The following FRMD4A variants were observed in gnomAD, a reference collection of about 807,000 sequenced individuals.
FRMD4A encodes FERM domain-containing protein 4A.
In FRMD4A, 29 loss-of-function variants were observed where a neutral mutation model predicts 129.1. That is an observed-to-expected ratio of 0.22 (90% CI 0.17 to 0.31). The LOEUF (loss-of-function observed/expected upper bound fraction) is 0.31, where lower values mean the gene tolerates loss of function less well. Ranked by LOEUF, FRMD4A falls within the 10% of genes least tolerant of loss-of-function variation. The pLI is 1.00. For missense variants in FRMD4A, 1,272 were observed against 1,375.8 expected, an observed-to-expected ratio of 0.92 and a Z score of 1.19; for synonymous variants, 634 against 571.6, an observed-to-expected ratio of 1.11 and a Z score of -1.56.
At chr10:13,856,051 T>G (rs2131028547) in intron 3 of FRMD4A, among the ~76,000 whole-genome samples, 1 of 151,064 alleles carries the variant, frequency 6.6e-6, no homozygotes, top group East Asian at 1.9e-4. Context: ...TCTATCTATC[T>G]ATCTATCTAT....
chr10:13,860,529 A>G (rs2094280206), intron 2 of FRMD4A, among the ~76,000 whole-genome samples: 1 of 152,106 alleles, frequency 6.6e-6, no homozygotes, highest in Admixed American at 6.5e-5. Context: ...CTCAATGCCT[A>G]TTTTATATGA....
chr10:14,143,615 T>C (rs1218176805), intron 2 of FRMD4A, among the ~76,000 whole-genome samples: 1 of 152,162 alleles, frequency 6.6e-6, no homozygotes, highest in Non-Finnish European at 1.5e-5. Flanking sequence ...TTTGTTGTTG[T>C]TGTTGTTGTT....
chr10:14,036,442 C>T lies in FRMD4A; in HGVS notation c.46-177530G>A, dbSNP rs76701221. Among the ~76,000 whole-genome samples, 153 of 152,252 alleles carry T rather than the reference C, an allele frequency of 1.0e-3. 3 individuals are homozygous for T. In the East Asian group the frequency reaches 0.028, roughly 28 times the overall value. On this transcript the variant is annotated intron_variant, in intron 2 of 24. Transcript: ENST00000357447. Reference sequence around the variant, plus strand: ...AAGATAAACACCCCGCCTTCCTGTTCGGAGTCTGCAGAAAAGGGACAAAGC... The same window carrying T: ...AAGATAAACACCCCGCCTTCCTGTTTGGAGTCTGCAGAAAAGGGACAAAGC...
In FRMD4A at chr10:14,097,146, AAAAAAAAAAAAAAAAAAAAAAG is replaced by A. The variant is rs1253849253; in HGVS notation, c.45+232890_45+232911del. On this transcript the variant is annotated intron_variant, in intron 2 of 24. Coordinates refer to ENST00000357447, the MANE Select transcript of FRMD4A (RefSeq NM_018027.5). ...GACACAGTGAGACTCCATCTCAAAA[AAAAAAAAAAAAAAAAAAAAAAG>A]AAAAGAAAAGAAAAGGTGTCATTTG... 6 of 120,850 alleles carry A rather than the reference AAAAAAAAAAAAAAAAAAAAAAG, an allele frequency of 5.0e-5. No homozygotes were observed. The Admixed American group carries it at 5.1e-4, about 10-fold the overall frequency. The allele number at this position is 120,850 out of a possible 1,614,324, so 7.5% of individuals were successfully genotyped here.
At chr10:13,984,418 C>T (rs1000934259) in intron 2 of FRMD4A, among the ~76,000 whole-genome samples, 3 of 152,168 alleles carry the variant, frequency 2.0e-5, no homozygotes, top group Non-Finnish European at 1.5e-5. Flanking sequence ...ACAATTTTAA[C>T]CATTTTTAAA....
intron 12 of FRMD4A, among the ~76,000 whole-genome samples, chr10:13,724,642 T>C (rs898246396): frequency 6.6e-6 from 1 of 152,226 alleles, no homozygotes; most frequent in Non-Finnish European, 1.5e-5. Context: ...AATGGGAATC[T>C]GCATCTGTAG....
intron 2 of FRMD4A, among the ~76,000 whole-genome samples, chr10:14,029,298 G>C (rs749016061): frequency 3.3e-5 from 5 of 152,050 alleles, no homozygotes; most frequent in Non-Finnish European, 7.4e-5. Flanking sequence ...AAGGCATGAA[G>C]CTGGTCTCTC....
intron 2 of FRMD4A, among the ~76,000 whole-genome samples, chr10:14,214,996 C>T (rs1589177402): frequency 6.6e-6 from 1 of 152,102 alleles, no homozygotes; most frequent in African/African-American, 2.4e-5. Flanking sequence ...ATTATTGAGG[C>T]TGAATTAGAG....
chr10:13,775,780 A>C (rs563290497), intron 6 of FRMD4A, among the ~76,000 whole-genome samples: 22 of 152,302 alleles, frequency 1.4e-4, no homozygotes, highest in African/African-American at 5.3e-4. Context: ...CTGCCACAGC[A>C]ACCAAAATCA....
At chr10:14,112,682 C>T (rs1462311415) in intron 2 of FRMD4A, among the ~76,000 whole-genome samples, 2 of 152,284 alleles carry the variant, frequency 1.3e-5, no homozygotes, top group South Asian at 2.1e-4. Flanking sequence ...TCTGCCACCA[C>T]ATCTGGCTAA....
At chr10:13,910,833 A>G (rs1328906551) in intron 2 of FRMD4A, among the ~76,000 whole-genome samples, 7 of 143,416 alleles carry the variant, frequency 4.9e-5, no homozygotes, top group African/African-American at 1.8e-4. Context: ...TGCATGTACC[A>G]GAAACCACGG....
At chr10:13,826,606 G>A (rs537349388) in intron 3 of FRMD4A, among the ~76,000 whole-genome samples, 1 of 152,256 alleles carries the variant, frequency 6.6e-6, no homozygotes, top group South Asian at 2.1e-4. Context: ...GCTCTCCCCT[G>A]TGAATCCTCT....
chr10:13,744,407 A>G (rs1052213900), intron 9 of FRMD4A: 3 of 152,218 alleles, frequency 2.0e-5, no homozygotes. Context: ...GGGGAGAATT[A>G]GCAGAAAGGC....
chr10:14,083,137 C>T (rs1183741310), intron 2 of FRMD4A: 3 of 152,170 alleles, frequency 2.0e-5, no homozygotes, highest in African/African-American at 7.2e-5. Context: ...CTGTAAGATC[C>T]TTGTCACAAG....
At chr10:13,834,518 T>C (rs771134630) in intron 3 of FRMD4A, among the ~76,000 whole-genome samples, 16 of 152,058 alleles carry the variant, frequency 1.1e-4, no homozygotes, top group African/African-American at 1.7e-4. Flanking sequence ...CTTCTTGGAG[T>C]TCCTCTAAGT....
intron 2 of FRMD4A, among the ~76,000 whole-genome samples, chr10:14,026,066 T>C (rs758386316): frequency 1.3e-5 from 2 of 152,192 alleles, no homozygotes; most frequent in Non-Finnish European, 2.9e-5. Context: ...ACACTTTCTG[T>C]TAAACTCTGG....
intron 2 of FRMD4A, among the ~76,000 whole-genome samples, chr10:14,315,472 T>A (rs753512562): frequency 6.6e-6 from 1 of 152,228 alleles, no homozygotes; most frequent in Non-Finnish European, 1.5e-5. Context: ...TAAAAGCTAA[T>A]CAACTGCTGA....
At chr10:14,048,859 A>C (rs12251503) in intron 2 of FRMD4A, among the ~76,000 whole-genome samples, 1 of 119,966 alleles carries the variant, frequency 8.3e-6, no homozygotes, top group South Asian at 2.6e-4. Flanking sequence ...ATAGAATAGA[A>C]TAGAATAGAA....
At chr10:13,997,017 C>T (rs940128990) in intron 2 of FRMD4A, among the ~76,000 whole-genome samples, 24 of 151,656 alleles carry the variant, frequency 1.6e-4, no homozygotes, top group Non-Finnish European at 3.1e-4. Flanking sequence ...CAAAACAAAA[C>T]AAAACAAAAC....
Sources: gnomAD v4.1 joint callset for allele counts (sites outside exome capture counted in the v4.1 genomes callset) on GRCh38, gnomAD v4.1.1 for gene constraint, MANE v1.5 for transcripts, NCBI Gene and HGNC (gene_info 2026-07-23, HGNC 2026-07-21) for gene names.